Variants in TFAP2D observed in about 807,000 individuals in gnomAD.
TFAP2D encodes the protein transcription factor AP-2 delta, also known as transcription factor AP-2-delta.
In TFAP2D, 9 loss-of-function variants were observed where a neutral mutation model predicts 43.6. The ratio of observed to expected loss-of-function variants is 0.21; its 90% CI spans 0.12 to 0.36. TFAP2D has a LOEUF of 0.36. TFAP2D is among the 10% of genes least tolerant of loss of function. The probability of loss-of-function intolerance (pLI) is 1.00; values close to 1 mark genes in which losing one functional copy is unlikely to be tolerated. For missense variants in TFAP2D, 513 were observed against 561.4 expected (o/e 0.91, Z 0.87); for synonymous variants, 256 against 224.9 (o/e 1.14, Z -1.24).
chr6:50,719,271 T>A, intron 3 of TFAP2D, 121 bp downstream of exon 3: 2 of 1,041,102 alleles, frequency 1.9e-6, no homozygotes, highest in Non-Finnish European at 2.8e-6. Context: ...TTATGCTTAG[T>A]CAATTATTCT....
Position 50,715,527 on chromosome 6 carries a change from G to A in TFAP2D, c.451G>A (p.Gly151Ser). The A allele has an allele frequency of 6.2e-7, 1 of 1,612,660 alleles. No individual in the cohort carries two copies. The highest frequency in any genetic ancestry group is 2.2e-5 in the East Asian group (1 of 44,838). ...RRHDLSLMSH[G>S]SQYGMHPDQR... The stretch of plus-strand genomic sequence containing the variant: ...CCATGACCTGTCCCTCATGAGCCAT[G>A]GCTCTCAGTATGGAATGCACCCAGA... Residue 151 changes from glycine to serine, a missense_variant, in exon 2 of 8, where the codon GGC (glycine) becomes AGC (serine). By Grantham distance (56) the Gly-to-Ser change is moderately conservative. Transcript: ENST00000008391.
chr6:50,757,412 CTCTCTATATAGAA>C (rs1769288753), intron 7 of TFAP2D, among the ~76,000 whole-genome samples: 2 of 122,978 alleles, frequency 1.6e-5, no homozygotes, highest in South Asian at 2.4e-4. Context: ...TATAATTATT[CTCTCTATATAGAA>C]TATATATAGA....
At chr6:50,719,457 G>GA (rs1479385941) in intron 3 of TFAP2D, among the ~76,000 whole-genome samples, 1 of 125,548 alleles carries the variant, frequency 8.0e-6, no homozygotes, top group African/African-American at 2.9e-5. Context: ...GAGAAAGAAA[G>GA]AAAGAAAGAA....
intron 7 of TFAP2D, among the ~76,000 whole-genome samples, chr6:50,772,260 A>T (rs1225882884): frequency 2.6e-5 from 4 of 151,760 alleles, no homozygotes; most frequent in Non-Finnish European, 4.4e-5. Flanking sequence ...CGGAGGGGGG[A>T]GGGATAGCAT....
At chr6:50,742,591 TAGATA>T (rs1209561103) in intron 5 of TFAP2D, among the ~76,000 whole-genome samples, 1 of 150,326 alleles carries the variant, frequency 6.7e-6, no homozygotes, top group African/African-American at 2.4e-5. Flanking sequence ...GATAGATAGA[TAGATA>T]GATAGATAGA....
At chr6:50,763,349 A>G (rs1275553329) in intron 7 of TFAP2D, among the ~76,000 whole-genome samples, 11 of 152,106 alleles carry the variant, frequency 7.2e-5, no homozygotes. Context: ...TTACATCCAC[A>G]CTTTGGGTGT....
At chr6:50,750,812 C>G (rs938752036) in intron 6 of TFAP2D, among the ~76,000 whole-genome samples, 4 of 151,934 alleles carry the variant, frequency 2.6e-5, no homozygotes, top group Non-Finnish European at 5.9e-5. Context: ...AATAATGGCT[C>G]TGAAGTAAGA....
chr6:50,739,845 T>A (rs1216475384), intron 5 of TFAP2D, among the ~76,000 whole-genome samples: 1 of 152,210 alleles, frequency 6.6e-6, no homozygotes, highest in Non-Finnish European at 1.5e-5. Context: ...GGATATTGAA[T>A]GGGGAATGAA....
At chr6:50,739,766 C>A (rs979106294) in intron 5 of TFAP2D, among the ~76,000 whole-genome samples, 1 of 152,146 alleles carries the variant, frequency 6.6e-6, no homozygotes, top group Non-Finnish European at 1.5e-5. Context: ...TTAACATAAT[C>A]TGAAAGCTTT....
intron 2 of TFAP2D, among the ~76,000 whole-genome samples, chr6:50,716,798 A>G (rs148702623): frequency 3.1e-3 from 476 of 152,310 alleles, no homozygotes; most frequent in Non-Finnish European, 5.6e-3. Context: ...ATAGGGAAAT[A>G]TTCTAAGAAC....
At chr6:50,720,297 C>G (rs1284722975) in intron 3 of TFAP2D, among the ~76,000 whole-genome samples, 1 of 152,116 alleles carries the variant, frequency 6.6e-6, no homozygotes, top group Non-Finnish European at 1.5e-5. Context: ...AAATCAGTTG[C>G]TTCTTTCATG....
chr6:50,767,721 T>C (rs1175797865), intron 7 of TFAP2D, among the ~76,000 whole-genome samples: 1 of 152,130 alleles, frequency 6.6e-6, no homozygotes, highest in Non-Finnish European at 1.5e-5. Context: ...CACACAGAAA[T>C]AGGAATAACG....
At chr6:50,771,278 C>T (rs1292518883) in intron 7 of TFAP2D, among the ~76,000 whole-genome samples, 1 of 152,134 alleles carries the variant, frequency 6.6e-6, no homozygotes, top group Admixed American at 6.6e-5. Flanking sequence ...GTCCCTGCCA[C>T]CTAAGCGATT....
At chr6:50,731,278 T>A (rs370935003) in intron 5 of TFAP2D, among the ~76,000 whole-genome samples, 1 of 152,110 alleles carries the variant, frequency 6.6e-6, no homozygotes, top group Non-Finnish European at 1.5e-5. Flanking sequence ...GAGCATCTTA[T>A]CTTAATTGTG....
At chr6:50,763,244 C>CAGAA (rs1769390679) in intron 7 of TFAP2D, among the ~76,000 whole-genome samples, 1 of 152,228 alleles carries the variant, frequency 6.6e-6, no homozygotes, top group South Asian at 2.1e-4. Context: ...ATGATGCCTT[C>CAGAA]AATCACATTG....
Position 50,740,059 on chromosome 6 carries a change from T to C in TFAP2D, c.884-5048T>C, listed in dbSNP as rs564739994. 6.6e-5 allele frequency among the ~76,000 whole-genome samples: 10 copies of C among 152,310 alleles called. No individual in the cohort carries two copies. The South Asian group carries it at 1.9e-3, about 28-fold the overall frequency. On this transcript the variant is annotated intron_variant, in intron 5 of 7. Coordinates refer to ENST00000008391, the MANE Select transcript of TFAP2D (RefSeq NM_172238.4). ...TTTGTGCTTCAGCTCCAGGGTTTGC[T>C]AAAGCTTGATAGTATAAGAATTTAC...
chr6:50,741,910 C>T (rs1378143920), intron 5 of TFAP2D, among the ~76,000 whole-genome samples: 1 of 152,104 alleles, frequency 6.6e-6, no homozygotes, highest in Non-Finnish European at 1.5e-5. Flanking sequence ...CAGGTTCTTG[C>T]ACTTCAGTTC....
At chr6:50,749,034 T>C (rs942236945) in intron 6 of TFAP2D, among the ~76,000 whole-genome samples, 1 of 151,812 alleles carries the variant, frequency 6.6e-6, no homozygotes, top group Non-Finnish European at 1.5e-5. Flanking sequence ...AGGAAAGTAG[T>C]CATAAAATCA....
intron 3 of TFAP2D, among the ~76,000 whole-genome samples, chr6:50,727,155 G>A (rs2114036470): frequency 6.6e-6 from 1 of 152,200 alleles, no homozygotes. Context: ...GTTGTTTTTT[G>A]GAGGGACTTT....
Sources: gnomAD v4.1 joint callset for allele counts (sites outside exome capture counted in the v4.1 genomes callset) on GRCh38, gnomAD v4.1.1 for gene constraint, MANE v1.5 for transcripts, NCBI Gene and HGNC (gene_info 2026-07-23, HGNC 2026-07-21) for gene names.